Variants in ELK4 observed in about 807,000 individuals in gnomAD.
ELK4 encodes ETS domain-containing protein Elk-4.
In ELK4, 16 loss-of-function variants were observed where a neutral mutation model predicts 29.6. That is an observed-to-expected ratio of 0.54 (90% CI 0.37 to 0.82). The LOEUF (loss-of-function observed/expected upper bound fraction) is 0.82. Ranked by LOEUF, ELK4 falls within the 40% of genes least tolerant of loss-of-function variation. The pLI is 0.00. For synonymous variants in ELK4, 213 were observed against 191.1 expected (o/e 1.11, Z -0.95); for missense variants, 465 against 507.1 (o/e 0.92, Z 0.80).
chr1:205,626,930 AAT>A (rs1670476939), intron 1 of ELK4, among the ~76,000 whole-genome samples: 2 of 152,236 alleles, frequency 1.3e-5, no homozygotes, highest in African/African-American at 4.8e-5. Context: ...ATGGATAAAT[AAT>A]ATGTGGCACA....
intron 1 of ELK4, 135 bp from the exon 2 acceptor site, chr1:205,624,026 T>A (rs967545739): frequency 3.8e-6 from 3 of 779,908 alleles, no homozygotes; most frequent in South Asian, 1.9e-5. Context: ...TACTACTGCA[T>A]CCTCATTTTA....
At position 205,619,298 on chromosome 1, in the gene ELK4, T is replaced by G. The variant is rs977774252; in HGVS notation, c.1081-225A>C. The G allele has an allele frequency of 1.3e-5, 13 of 1,032,470 alleles. No individual in the cohort carries two copies. In the African/African-American group the frequency reaches 2.2e-4, roughly 17 times the overall value. 64.0% of individuals were successfully genotyped at this position (1,032,470 alleles called of 1,614,324 possible). A position where few individuals can be genotyped will look rare whatever the true frequency, so the allele number is the denominator to read the frequency against. On this transcript the variant is annotated intron_variant, in intron 3 of 4. Coordinates refer to ENST00000357992, the MANE Select transcript of ELK4 (RefSeq NM_001973.4). ...ATTTTTTAAATTTTTATTTCAATAG[T>G]TTTTGGGGGTACAAGTGGTTTTTGG...
At chr1:205,631,225 G>A (rs913547312) in intron 1 of ELK4, among the ~76,000 whole-genome samples, 1 of 152,274 alleles carries the variant, frequency 6.6e-6, no homozygotes, top group South Asian at 2.1e-4. Flanking sequence ...GCGGACGGCC[G>A]CGTGTGCCCT....
chr1:205,612,657 A>T lies in ELK4; in HGVS notation c.*3889T>A, dbSNP rs1364877312. 1 of 209,242 alleles carries T rather than the reference A, an allele frequency of 4.8e-6. No individual in the cohort carries two copies. Among genetic ancestry groups the T allele is most frequent in the East Asian group, 7.2e-5 (1 of 13,814 alleles). 13.0% of individuals were successfully genotyped at this position (209,242 alleles called of 1,614,324 possible). On this transcript the variant is annotated 3_prime_UTR_variant, in exon 5 of 5. Transcript: ENST00000357992. ...TTACATTCACCAAAAACATAAAAGG[A>T]CACCTTTAAGAACTTAAGAATCATA...
In ELK4 at chr1:205,624,021, C is replaced by T; in HGVS notation, c.-9-130G>A. On this transcript the variant is annotated intron_variant, in intron 1 of 4. Coordinates refer to ENST00000357992, the MANE Select transcript of ELK4 (RefSeq NM_001973.4). The stretch of plus-strand genomic sequence containing the variant: ...CCACATTTCTATAAGGTAGATACTA[C>T]TGCATCCTCATTTTACGTAAGAAAA... The T allele has an allele frequency of 3.8e-6, 3 of 798,308 alleles. 1 individual carries two copies. The South Asian group carries it at 5.5e-5, about 15-fold the overall frequency. 49.5% of individuals were successfully genotyped at this position (798,308 alleles called of 1,614,324 possible). A position where few individuals can be genotyped will look rare whatever the true frequency, so the allele number is the denominator to read the frequency against.
chr1:205,628,476 G>A (rs747534521), intron 1 of ELK4, among the ~76,000 whole-genome samples: 2 of 152,200 alleles, frequency 1.3e-5, no homozygotes, highest in Non-Finnish European at 2.9e-5. Flanking sequence ...AGGAAAGACA[G>A]AGAATGGGAG....
chr1:205,629,998 G>A (rs1359142230), intron 1 of ELK4, among the ~76,000 whole-genome samples: 1 of 151,988 alleles, frequency 6.6e-6, no homozygotes, highest in Non-Finnish European at 1.5e-5. Context: ...CCACATCACT[G>A]CACTCCAGCC....
rs566014500 is a variant in ELK4, at chr1:205,626,709, T to C, written c.-9-2818A>G. On this transcript the variant is annotated intron_variant, in intron 1 of 4. Transcript: ENST00000357992. ...AAATATTGGCAAGGATGCAGAGAAA[T>C]TGAAGCCCTTGTACATTGCTGGTGG... 8.5e-5 allele frequency among the ~76,000 whole-genome samples: 13 copies of C among 152,222 alleles called. No homozygotes were observed. The East Asian group carries it at 1.2e-3, about 14-fold the overall frequency.
At chr1:205,619,519 CTA>C (rs1670291362) in intron 3 of ELK4, 8 of 1,104,456 alleles carry the variant, frequency 7.2e-6, no homozygotes, top group Non-Finnish European at 8.8e-6. Context: ...CTAAAATGTT[CTA>C]TGAGATGAGC....
At chr1:205,625,259 C>T (rs564683506) in intron 1 of ELK4, among the ~76,000 whole-genome samples, 1 of 150,650 alleles carries the variant, frequency 6.6e-6, no homozygotes, top group South Asian at 2.1e-4. Flanking sequence ...ACAAAGGGAG[C>T]CTGCATCCAA....
rs1047206491 is a variant in ELK4, at chr1:205,616,310, A to G, written c.*236T>C. On this transcript the variant is annotated 3_prime_UTR_variant, in exon 5 of 5. Coordinates refer to ENST00000357992, the MANE Select transcript of ELK4 (RefSeq NM_001973.4). ...AAAGGAAGGAAGGAAAGAAAAAGAA[A>G]AGGAAAAGACAGAGGGAGGTGGAGT... The G allele has an allele frequency of 7.6e-6, 3 of 393,488 alleles. No individual in the cohort carries two copies. Among genetic ancestry groups the G allele is most frequent in the Non-Finnish European group, 1.4e-5 (3 of 215,886 alleles). The allele number at this position is 393,488 out of a possible 1,614,324, so 24.4% of individuals were successfully genotyped here. A position where few individuals can be genotyped will look rare whatever the true frequency, so the allele number is the denominator to read the frequency against.
At chr1:205,629,001 C>A (rs1341275914) in intron 1 of ELK4, among the ~76,000 whole-genome samples, 1 of 151,858 alleles carries the variant, frequency 6.6e-6, no homozygotes, top group East Asian at 1.9e-4. Context: ...GTGAAACCCC[C>A]GTGTCTATTA....
chr1:205,622,953 C>G lies in ELK4; in HGVS notation c.207+723G>C, dbSNP rs1234296488. ...AGGAGTTCAAGACCAACTTGGCCAA[C>G]ATGGTGAAACCCCACCTCTACTAAA... On this transcript the variant is annotated intron_variant, in intron 2 of 4. Transcript: ENST00000357992. Among the ~76,000 whole-genome samples the G allele has an allele frequency of 2.0e-5, 3 of 152,014 alleles. No homozygotes were observed. In the East Asian group the frequency reaches 5.8e-4, roughly 30 times the overall value.
At chr1:205,625,089 A>G (rs1293333750) in intron 1 of ELK4, among the ~76,000 whole-genome samples, 1 of 152,202 alleles carries the variant, frequency 6.6e-6, no homozygotes. Flanking sequence ...TCAATGGGTT[A>G]GAATAGAGTT....
Position 205,613,201 on chromosome 1 carries a change from T to C in ELK4, c.*3345A>G, listed in dbSNP as rs1194065665. On this transcript the variant is annotated 3_prime_UTR_variant, in exon 5 of 5. Transcript: ENST00000357992. The stretch of plus-strand genomic sequence containing the variant: ...AGAAGGATTACTAAGCCAGGTGTGG[T>C]GGTGCATGCCTGTAGCCCAGCTATG... The C allele has an allele frequency of 5.0e-6, 1 of 198,902 alleles. No individual in the cohort carries two copies. Among genetic ancestry groups the C allele is most frequent in the Non-Finnish European group, 1.0e-5 (1 of 96,148 alleles). 12.3% of individuals were successfully genotyped at this position (198,902 alleles called of 1,614,324 possible).
At chr1:205,627,217 T>C (rs1026653609) in intron 1 of ELK4, among the ~76,000 whole-genome samples, 1 of 151,996 alleles carries the variant, frequency 6.6e-6, no homozygotes, top group Admixed American at 6.6e-5. Context: ...GATGAAAATA[T>C]TATAAACTTA....
chr1:205,622,171 G>A (rs1018702913), intron 2 of ELK4, among the ~76,000 whole-genome samples: 4 of 152,004 alleles, frequency 2.6e-5, no homozygotes, highest in African/African-American at 4.8e-5. Flanking sequence ...CTGAGATCAC[G>A]CCACTGTGTT....
At position 205,620,599 on chromosome 1, in the gene ELK4, T is replaced by C. The variant is rs1670321315; in HGVS notation, c.447A>G (p.Ser149=). ...AGGAGTTCAAAGAGTTGAGAGTAAA[T>C]GAAGAATATAAGCCAGAGTGTATGT... The part of the protein sequence containing the change: ...NDYIHSGLYS[S]FTLNSLNSSN... The change falls in exon 3 of 5, where the codon TCA becomes TCG. Residue 149 remains serine, a synonymous_variant. Transcript: ENST00000357992. The C allele has an allele frequency of 6.2e-7, 1 of 1,614,104 alleles. No individual in the cohort carries two copies. The highest frequency in any genetic ancestry group is 8.5e-7 in the Non-Finnish European group (1 of 1,180,008).
At position 205,620,365 on chromosome 1, in the gene ELK4, T is replaced by C. The variant is rs935541836; in HGVS notation, c.681A>G (p.Thr227=). ...GGGAAGGCAGTTTTGGGGAAACCAA[T>C]GTCTCCAAAGCTTGGATAGTTTCTT... ...SSEETIQALE[T]LVSPKLPSLE... is the part of the protein sequence containing the mutation. The change falls in exon 3 of 5, where the codon ACA becomes ACG. Residue 227 remains threonine (T), a synonymous_variant. Coordinates refer to ENST00000357992, the MANE Select transcript of ELK4 (RefSeq NM_001973.4). The C allele has an allele frequency of 1.2e-6, 2 of 1,614,068 alleles. No homozygotes were observed. Among genetic ancestry groups the C allele is most frequent in the African/African-American group, 2.7e-5 (2 of 74,920 alleles).
Sources: gnomAD v4.1 joint callset for allele counts (sites outside exome capture counted in the v4.1 genomes callset) on GRCh38, gnomAD v4.1.1 for gene constraint, MANE v1.5 for transcripts, NCBI Gene and HGNC (gene_info 2026-07-23, HGNC 2026-07-21) for gene names.